Variants in TOP3A observed in about 807,000 individuals in gnomAD.
The protein encoded by TOP3A is DNA topoisomerase 3-alpha.
Under a neutral mutation model 111.3 loss-of-function variants are expected in TOP3A, and 64 were observed. The observed-to-expected ratio is 0.57, with a 90% CI of 0.47 to 0.71. The LOEUF is 0.71. Ranked by LOEUF, TOP3A falls within the 30% of genes least tolerant of loss-of-function variation. The pLI is 0.00. For synonymous variants in TOP3A, 484 were observed against 485.1 expected (o/e 1.00, Z 0.03); for missense variants, 1,104 against 1,285.0 (o/e 0.86, Z 2.15).
intron 13 of TOP3A, among the ~76,000 whole-genome samples, chr17:18,289,499 A>C (rs1980334420): frequency 6.6e-6 from 1 of 152,096 alleles, no homozygotes; most frequent in South Asian, 2.1e-4. Flanking sequence ...GGTGGTCTTA[A>C]ACTCCCTACC....
intron 3 of TOP3A, 40 bp from the exon 4 acceptor site, chr17:18,307,006 G>A: frequency 1.4e-6 from 2 of 1,440,676 alleles, no homozygotes; most frequent in South Asian, 1.2e-5. Context: ...CTCAGTACAT[G>A]ACAGAGAGCC....
chr17:18,271,739 A>T lies in TOP3A; in HGVS notation c.*3063T>A. 2.3e-6 allele frequency: 1 copy of T among 443,312 alleles called. No homozygotes were observed. Among genetic ancestry groups the T allele is most frequent in the Non-Finnish European group, 4.6e-6 (1 of 219,136 alleles). The allele number at this position is 443,312 out of a possible 1,614,324, so 27.5% of individuals were successfully genotyped here. A position where few individuals can be genotyped will look rare whatever the true frequency, so the allele number is the denominator to read the frequency against. On this transcript the variant is annotated 3_prime_UTR_variant, in exon 19 of 19. Coordinates refer to ENST00000321105, the MANE Select transcript of TOP3A (RefSeq NM_004618.5). ...AAACTATTAAGAACTCCTACAACTC[A>T]ACAACAAAGACAGACAACACAATTT...
intron 11 of TOP3A, 126 bp from the exon 12 acceptor site, chr17:18,291,153 T>A: frequency 1.1e-6 from 1 of 931,626 alleles, no homozygotes; most frequent in Non-Finnish European, 1.6e-6. Context: ...GGCCCTGCAC[T>A]AACATGGAGT....
chr17:18,282,987 C>G (rs1979860618), intron 15 of TOP3A, 146 bp from the exon 16 acceptor site: 3 of 1,055,770 alleles, frequency 2.8e-6, no homozygotes, highest in Non-Finnish European at 4.1e-6. Context: ...AGACGGCAGA[C>G]AGAAGACTGA....
chr17:18,301,941 T>G lies in TOP3A; in HGVS notation c.859A>C (p.Arg287=), dbSNP rs745583231. ...KDGIVEFNWK[R]HRLFNHTACL... The stretch of plus-strand genomic sequence containing the variant: ...GCCGTGTGGTTAAAGAGTCGATGCC[T>G]TTTCCAGTTGAATTCTACGATACCA... The change falls in exon 8 of 19, where the codon AGG becomes CGG. Residue 287 remains arginine, a synonymous_variant. Coordinates refer to ENST00000321105, the MANE Select transcript of TOP3A (RefSeq NM_004618.5). The G allele has an allele frequency of 7.4e-6, 12 of 1,613,980 alleles. No homozygotes were observed. The highest frequency in any genetic ancestry group is 1.0e-5 in the Non-Finnish European group (12 of 1,179,940).
At chr17:18,285,113 A>AC (rs1461752191) in intron 15 of TOP3A, 29 bp downstream of exon 15, 3 of 1,607,826 alleles carry the variant, frequency 1.9e-6, no homozygotes, top group East Asian at 2.2e-5. Flanking sequence ...ACATAGTGAG[A>AC]CCCCTCTGTA....
Position 18,314,983 on chromosome 17 carries a change from C to A in TOP3A, c.-205G>T. 5.3e-6 allele frequency: 1 copy of A among 187,682 alleles called. No homozygotes were observed. The highest frequency in any genetic ancestry group is 1.0e-4 in the South Asian group (1 of 9,822). The allele number at this position is 187,682 out of a possible 1,614,324, so 11.6% of individuals were successfully genotyped here. The stretch of plus-strand genomic sequence containing the variant: ...CTCAGCACCGAATCCAGTATCTTGG[C>A]GTGGAACTTCCGCCCGCCTTCTCCA... On this transcript the variant is annotated 5_prime_UTR_variant, in exon 1 of 19. Transcript: ENST00000321105.
chr17:18,302,083 A>G lies in TOP3A; in HGVS notation c.815-98T>C, dbSNP rs1274751136. 5.0e-6 allele frequency: 7 copies of G among 1,395,230 alleles called. No individual in the cohort carries two copies. The African/African-American group carries it at 7.2e-5, about 14-fold the overall frequency. 86.4% of individuals were successfully genotyped at this position (1,395,230 alleles called of 1,614,324 possible). A position where few individuals can be genotyped will look rare whatever the true frequency, so the allele number is the denominator to read the frequency against. Reference sequence around the variant, plus strand: ...TTATTGTGGTGAAAGTCAAACGAATATCAAATAGGGAGGAGTTTCTGGATA... The same window carrying G: ...TTATTGTGGTGAAAGTCAAACGAATGTCAAATAGGGAGGAGTTTCTGGATA... On this transcript the variant is annotated intron_variant, in intron 7 of 18. Transcript: ENST00000321105.
intron 8 of TOP3A, among the ~76,000 whole-genome samples, chr17:18,301,321 T>C (rs1034124907): frequency 6.6e-6 from 1 of 152,186 alleles, no homozygotes; most frequent in Non-Finnish European, 1.5e-5. Flanking sequence ...TCTTGCTCCC[T>C]TCTATGACAC....
chr17:18,275,980 T>C (rs898443638), intron 18 of TOP3A, among the ~76,000 whole-genome samples: 2 of 152,148 alleles, frequency 1.3e-5, no homozygotes, highest in African/African-American at 2.4e-5. Context: ...TATACAGCCA[T>C]GTACACCCCA....
chr17:18,274,646 C>T lies in TOP3A; in HGVS notation c.*156G>A, dbSNP rs892315068. The T allele has an allele frequency of 1.6e-5, 21 of 1,282,694 alleles. 1 individual carries two copies. The highest frequency in any genetic ancestry group is 2.7e-4 in the Middle Eastern group (1 of 3,676). 79.5% of individuals were successfully genotyped at this position (1,282,694 alleles called of 1,614,324 possible). On this transcript the variant is annotated 3_prime_UTR_variant, in exon 19 of 19. Coordinates refer to ENST00000321105, the MANE Select transcript of TOP3A (RefSeq NM_004618.5). ...CTGGCCTGCTCCAGAGTGATCTGGA[C>T]CTTGTGCCCCTTAACACAAGAAGGC...
chr17:18,305,719 TCC>T (rs1167985942), intron 4 of TOP3A, among the ~76,000 whole-genome samples: 2 of 151,938 alleles, frequency 1.3e-5, no homozygotes, highest in African/African-American at 2.4e-5. Context: ...GCACCTGTAG[TCC>T]CAGCTACTCG....
chr17:18,314,482 G>T, intron 1 of TOP3A, 117 bp downstream of exon 1: 1 of 1,219,478 alleles, frequency 8.2e-7, no homozygotes, highest in Non-Finnish European at 1.1e-6. Context: ...ACGAGGGGCA[G>T]TGAGGCCTGA....
In TOP3A at chr17:18,278,322, G is replaced by T. The variant is rs751280980; in HGVS notation, c.2180C>A (p.Pro727Gln). The T allele has an allele frequency of 1.3e-6, 2 of 1,516,142 alleles. No individual in the cohort carries two copies. Among genetic ancestry groups the T allele is most frequent in the African/African-American group, 1.4e-5 (1 of 71,684 alleles). The allele number at this position is 1,516,142 out of a possible 1,614,324, so 93.9% of individuals were successfully genotyped here. ...KLKFKRGSLPPTMPLEFVCCI... is the reference protein window; with the variant it reads ...KLKFKRGSLPQTMPLEFVCCI... ...GCAAACAAACTCCAGAGGCATGGTC[G>T]GGGGAAGGCTACCGCGCTTAAACTT... Residue 727 changes from proline (P) to glutamine (Q), a missense_variant, in exon 18 of 19, where the codon CCG (proline) becomes CAG (glutamine). By Grantham distance (76) the Pro-to-Gln change is moderately conservative (BLOSUM62 -1). Transcript: ENST00000321105.
intron 9 of TOP3A, among the ~76,000 whole-genome samples, chr17:18,297,835 C>A (rs1362175655): frequency 2.0e-5 from 3 of 152,054 alleles, no homozygotes; most frequent in Non-Finnish European, 4.4e-5. Context: ...AGCCTCTGCC[C>A]GGCCGCCACC....
intron 9 of TOP3A, among the ~76,000 whole-genome samples, chr17:18,298,481 C>T (rs1981007169): frequency 6.7e-6 from 1 of 150,078 alleles, no homozygotes; most frequent in Non-Finnish European, 1.5e-5. Context: ...AGGTGAGGGG[C>T]GCCTCTGCCC....
Position 18,277,904 on chromosome 17 carries a change from G to A in TOP3A, c.2598C>T (p.Pro866=). Residue 866 remains proline (P), a synonymous_variant, in exon 18 of 19, where the codon CCC becomes CCT. Coordinates refer to ENST00000321105, the MANE Select transcript of TOP3A (RefSeq NM_004618.5). The part of the protein sequence containing the change: ...AGGPPALAYR[P]LGASLGCPPG... Reference sequence around the variant, plus strand: ...GTGGGCATCCCAGGGAGGCGCCCAGGGGTCTATATGCCAAGGCAGGAGGCC... The same window carrying A: ...GTGGGCATCCCAGGGAGGCGCCCAGAGGTCTATATGCCAAGGCAGGAGGCC... The A allele has an allele frequency of 6.2e-7, 1 of 1,613,972 alleles. No homozygotes were observed. The highest frequency in any genetic ancestry group is 1.7e-5 in the Admixed American group (1 of 60,032).
At chr17:18,275,761 G>A (rs954253206) in intron 18 of TOP3A, among the ~76,000 whole-genome samples, 1 of 148,750 alleles carries the variant, frequency 6.7e-6, no homozygotes, top group Non-Finnish European at 1.5e-5. Context: ...TCACGCCATT[G>A]TCCTGTCTCA....
intron 1 of TOP3A, chr17:18,313,604 G>A (rs1982053774): frequency 6.7e-6 from 1 of 149,282 alleles, no homozygotes; most frequent in South Asian, 2.1e-4. Context: ...GAGAGAGAGA[G>A]AATGAATTCA....
Sources: gnomAD v4.1 joint callset for allele counts (sites outside exome capture counted in the v4.1 genomes callset) on GRCh38, gnomAD v4.1.1 for gene constraint, MANE v1.5 for transcripts, NCBI Gene and HGNC (gene_info 2026-07-23, HGNC 2026-07-21) for gene names.